The following PRKG1 variants were observed in gnomAD, a reference collection of about 807,000 sequenced individuals.
PRKG1 encodes cGMP-dependent protein kinase 1.
Under a neutral mutation model 88.1 loss-of-function variants are expected in PRKG1, and 35 were observed. The observed-to-expected ratio is 0.40, with a 90% CI of 0.30 to 0.53. The LOEUF is 0.53. PRKG1 is among the 20% of genes least tolerant of loss of function. The pLI, the probability that PRKG1 is intolerant of heterozygous loss-of-function variation, is 0.59. For synonymous variants in PRKG1, 303 were observed against 292.5 expected (o/e 1.04, Z -0.37); for missense variants, 540 against 839.8 (o/e 0.64, Z 4.41).
At chr10:51,507,299 A>T (rs1357114544) in intron 3 of PRKG1, among the ~76,000 whole-genome samples, 6 of 87,386 alleles carry the variant, frequency 6.9e-5, no homozygotes, top group Non-Finnish European at 1.6e-4. Flanking sequence ...CTTAAAGTAT[A>T]AAAAAAAATA....
chr10:51,347,879 G>A (rs562191000), intron 2 of PRKG1, among the ~76,000 whole-genome samples: 94 of 148,770 alleles, frequency 6.3e-4, no homozygotes, highest in African/African-American at 2.1e-3. Flanking sequence ...GGCTAACACG[G>A]TGAAACCCCT....
At chr10:52,212,618 G>GGA (rs138850418) in intron 9 of PRKG1, among the ~76,000 whole-genome samples, 43 of 149,640 alleles carry the variant, frequency 2.9e-4, no homozygotes, top group Admixed American at 1.4e-3. Flanking sequence ...GTGGTGTAGG[G>GGA]GAGAGAGAGA....
chr10:51,451,926 A>T (rs964434312), intron 2 of PRKG1, among the ~76,000 whole-genome samples: 10 of 152,104 alleles, frequency 6.6e-5, no homozygotes, highest in Non-Finnish European at 1.2e-4. Flanking sequence ...AAGAGTGAGA[A>T]GTCAAAGCAT....
chr10:52,121,064 C>G (rs1847809260), intron 7 of PRKG1, among the ~76,000 whole-genome samples: 1 of 152,222 alleles, frequency 6.6e-6, no homozygotes, highest in Non-Finnish European at 1.5e-5. Context: ...GCAGACCAAG[C>G]AGCCCAAGCT....
chr10:52,255,146 G>T (rs140948590), intron 10 of PRKG1, among the ~76,000 whole-genome samples: 1 of 152,066 alleles, frequency 6.6e-6, no homozygotes, highest in Non-Finnish European at 1.5e-5. Context: ...TTCAGCAAAA[G>T]AACTCAGCTC....
intron 2 of PRKG1, among the ~76,000 whole-genome samples, chr10:51,169,986 G>T (rs1486998210): frequency 6.6e-6 from 1 of 151,814 alleles, no homozygotes; most frequent in East Asian, 1.9e-4. Context: ...TGGCATACAT[G>T]CTCTGAAGCA....
intron 11 of PRKG1, 126 bp from the exon 12 acceptor site, chr10:52,272,266 A>T: frequency 1.6e-6 from 1 of 613,230 alleles, no homozygotes; most frequent in Non-Finnish European, 2.8e-6. Flanking sequence ...GTGGGCTTAG[A>T]TCTCTCTCAT....
At chr10:51,902,654 T>C (rs1842004750) in intron 4 of PRKG1, among the ~76,000 whole-genome samples, 1 of 152,140 alleles carries the variant, frequency 6.6e-6, no homozygotes, top group Admixed American at 6.6e-5. Context: ...GCAGGTGTAA[T>C]GACTAGTAAG....
intron 2 of PRKG1, among the ~76,000 whole-genome samples, chr10:51,365,685 A>C (rs1407255778): frequency 6.6e-6 from 1 of 151,978 alleles, no homozygotes; most frequent in Non-Finnish European, 1.5e-5. Context: ...CTGGTAAATT[A>C]GAATCTGCAT....
At chr10:51,123,927 A>G (rs965245516) in intron 1 of PRKG1, among the ~76,000 whole-genome samples, 6 of 152,048 alleles carry the variant, frequency 3.9e-5, no homozygotes, top group Non-Finnish European at 8.8e-5. Context: ...TTAACGGGCC[A>G]GACCTCAGAA....
chr10:51,058,054 T>A (rs1262664773), intron 1 of PRKG1, among the ~76,000 whole-genome samples: 1 of 152,122 alleles, frequency 6.6e-6, no homozygotes, highest in Non-Finnish European at 1.5e-5. Context: ...GCCATTTGGG[T>A]AGATGTGTGA....
rs201315901 is a variant in PRKG1, at chr10:51,698,195, C to A, written c.593-106390C>A. 7 of 1,614,170 alleles carry A rather than the reference C, an allele frequency of 4.3e-6. No individual in the cohort carries two copies. In the African/African-American group the frequency reaches 6.7e-5, roughly 15 times the overall value. ...CATCTCCAATCCTCTTGCATCCATGCCCCTTGCTTCCATCCCTCTGGTTTC... is the reference window on the plus strand; with the variant it reads ...CATCTCCAATCCTCTTGCATCCATGACCCTTGCTTCCATCCCTCTGGTTTC... On this transcript the variant is annotated intron_variant, in intron 3 of 17. Transcript: ENST00000373980.
intron 14 of PRKG1, among the ~76,000 whole-genome samples, chr10:52,287,714 A>T (rs1027624646): frequency 7.9e-5 from 12 of 151,878 alleles, no homozygotes; most frequent in African/African-American, 2.2e-4. Context: ...AAAAAAAAAA[A>T]AAAAAAATCA....
intron 2 of PRKG1, among the ~76,000 whole-genome samples, chr10:51,177,684 A>G (rs35381529): frequency 0.015 from 2,280 of 152,240 alleles, 36 homozygotes; most frequent in Middle Eastern, 0.054. Flanking sequence ...TATACAATGT[A>G]TTTAATTTTT....
intron 2 of PRKG1, among the ~76,000 whole-genome samples, chr10:51,225,144 A>G (rs1045979022): frequency 9.9e-5 from 15 of 152,184 alleles, no homozygotes; most frequent in African/African-American, 3.4e-4. Flanking sequence ...AGTTTGGAAG[A>G]TTCTGTGTCT....
intron 2 of PRKG1, among the ~76,000 whole-genome samples, chr10:51,423,137 T>A (rs1167072128): frequency 6.6e-6 from 1 of 152,150 alleles, no homozygotes; most frequent in Non-Finnish European, 1.5e-5. Context: ...ATTTCTCTAT[T>A]CAAATCAAGT....
At chr10:51,698,371 T>C in intron 3 of PRKG1, 1 of 1,614,078 alleles carries the variant, frequency 6.2e-7, no homozygotes, top group Non-Finnish European at 8.5e-7. Flanking sequence ...CTCTGGGCTC[T>C]CCAATTAGCA....
intron 4 of PRKG1, among the ~76,000 whole-genome samples, chr10:51,866,136 G>A (rs193035727): frequency 9.4e-4 from 143 of 151,714 alleles, no homozygotes; most frequent in African/African-American, 3.2e-3. Flanking sequence ...AAACATCATC[G>A]CTTATTTTTG....
intron 2 of PRKG1, among the ~76,000 whole-genome samples, chr10:51,458,654 T>C (rs909076792): frequency 1.4e-4 from 21 of 152,158 alleles, no homozygotes; most frequent in African/African-American, 4.8e-4. Context: ...GGATATCTGC[T>C]AAGAACTTTG....
Sources: allele counts gnomAD v4.1 joint callset (sites outside exome capture counted in the v4.1 genomes callset), GRCh38; gene constraint gnomAD v4.1.1; transcripts MANE v1.5; gene names NCBI Gene and HGNC (gene_info 2026-07-23, HGNC 2026-07-21).